Variants in CCDC148 observed in about 807,000 individuals in gnomAD.
CCDC148 encodes the protein coiled-coil domain-containing protein 148.
In CCDC148, 89 loss-of-function variants were observed where a neutral mutation model predicts 85.7. The observed-to-expected ratio is 1.04, with a 90% CI of 0.87 to 1.24. CCDC148 has a LOEUF of 1.24. Ranked by LOEUF, CCDC148 falls within the 50% of genes most tolerant of loss-of-function variation. The probability of loss-of-function intolerance (pLI) is 0.00; values close to 1 mark genes in which losing one functional copy is unlikely to be tolerated. For missense variants in CCDC148, 692 were observed against 671.7 expected, an observed-to-expected ratio of 1.03 and a Z score of -0.33; for synonymous variants, 230 against 213.9, an observed-to-expected ratio of 1.08 and a Z score of -0.66.
chr2:158,433,089 AAAAT>A (rs1687440345), intron 1 of CCDC148, among the ~76,000 whole-genome samples: 1 of 65,050 alleles, frequency 1.5e-5, no homozygotes, highest in Non-Finnish European at 3.3e-5. Context: ...AAAAAAAAAA[AAAAT>A]ATATATATAT....
In CCDC148 at chr2:158,401,262, G is replaced by T. The variant is rs911469892; in HGVS notation, c.26-42692C>A. Among the ~76,000 whole-genome samples, 5 of 152,096 alleles carry T rather than the reference G, an allele frequency of 3.3e-5. No homozygotes were observed. In the East Asian group the frequency reaches 9.6e-4, roughly 29 times the overall value. On this transcript the variant is annotated intron_variant, in intron 1 of 13. Transcript: ENST00000283233. ...AAGACACGTGCACACGTATGTTATT[G>T]CAGCACTATTCACAATAGCAAAGAC...
At chr2:158,373,503 C>A (rs1315843222) in intron 1 of CCDC148, among the ~76,000 whole-genome samples, 1 of 151,996 alleles carries the variant, frequency 6.6e-6, no homozygotes, top group African/African-American at 2.4e-5. Context: ...CCTCTCTGAC[C>A]AATACCTACT....
chr2:158,377,705 G>A (rs1328449772), intron 1 of CCDC148, among the ~76,000 whole-genome samples: 2 of 151,996 alleles, frequency 1.3e-5, no homozygotes, highest in Admixed American at 6.6e-5. Context: ...AGCAGTGCTT[G>A]CTTCATGTCT....
intron 10 of CCDC148, among the ~76,000 whole-genome samples, chr2:158,240,142 A>T (rs2105320102): frequency 7.1e-6 from 1 of 140,728 alleles, no homozygotes; most frequent in East Asian, 2.1e-4. Context: ...ATCTCGGTGG[A>T]TGGATGTTAG....
At chr2:158,327,573 T>C (rs908258154) in intron 7 of CCDC148, among the ~76,000 whole-genome samples, 3 of 152,166 alleles carry the variant, frequency 2.0e-5, no homozygotes, top group South Asian at 2.1e-4. Context: ...ATCACATCCA[T>C]TGACTGATCT....
chr2:158,264,669 C>G (rs1022226344), intron 9 of CCDC148, among the ~76,000 whole-genome samples: 3 of 151,938 alleles, frequency 2.0e-5, no homozygotes, highest in Non-Finnish European at 4.4e-5. Context: ...GGGCCTCACC[C>G]AGATTATCCC....
intron 9 of CCDC148, among the ~76,000 whole-genome samples, chr2:158,290,855 C>G (rs537718552): frequency 6.6e-6 from 1 of 152,166 alleles, no homozygotes; most frequent in African/African-American, 2.4e-5. Flanking sequence ...ATGAATCTAT[C>G]CATCCCATAA....
chr2:158,253,749 A>G (rs1236847786), intron 9 of CCDC148, among the ~76,000 whole-genome samples: 1 of 151,686 alleles, frequency 6.6e-6, no homozygotes, highest in Non-Finnish European at 1.5e-5. Flanking sequence ...AATGGATCCT[A>G]GTTAATGATC....
intron 11 of CCDC148, among the ~76,000 whole-genome samples, chr2:158,203,014 C>A (rs1184696549): frequency 2.0e-5 from 3 of 152,058 alleles, no homozygotes. Flanking sequence ...CTGAGACCTC[C>A]AAGATTAAAG....
chr2:158,252,998 G>A (rs1688857458), intron 9 of CCDC148, among the ~76,000 whole-genome samples: 1 of 151,854 alleles, frequency 6.6e-6, no homozygotes, highest in East Asian at 1.9e-4. Context: ...TTTGGTCTGT[G>A]GAACCACAAG....
At chr2:158,345,772 AT>A (rs1682965813) in intron 2 of CCDC148, among the ~76,000 whole-genome samples, 1 of 152,174 alleles carries the variant, frequency 6.6e-6, no homozygotes, top group Non-Finnish European at 1.5e-5. Flanking sequence ...AAGCTCATAA[AT>A]ATCAGAGTAA....
chr2:158,278,557 G>A (rs1690081791), intron 9 of CCDC148, among the ~76,000 whole-genome samples: 2 of 152,212 alleles, frequency 1.3e-5, no homozygotes, highest in African/African-American at 4.8e-5. Flanking sequence ...ACTGCAAGGT[G>A]GCAGCGAGGC....
intron 7 of CCDC148, among the ~76,000 whole-genome samples, chr2:158,336,720 G>A (rs982141796): frequency 1.3e-5 from 2 of 151,944 alleles, no homozygotes; most frequent in African/African-American, 4.8e-5. Flanking sequence ...AACATATCTT[G>A]CCTTCATTGT....
chr2:158,416,221 C>A (rs1444770375), intron 1 of CCDC148, among the ~76,000 whole-genome samples: 4 of 152,188 alleles, frequency 2.6e-5, no homozygotes, highest in Non-Finnish European at 5.9e-5. Flanking sequence ...CTGGGCCCAG[C>A]CCAGGAAACC....
intron 2 of CCDC148, among the ~76,000 whole-genome samples, chr2:158,353,443 C>G (rs986438199): frequency 1.3e-5 from 2 of 148,250 alleles, no homozygotes; most frequent in Non-Finnish European, 3.0e-5. Context: ...TCTGATAAAA[C>G]AGACTTTAAA....
chr2:158,333,890 T>C (rs1183758082), intron 7 of CCDC148, among the ~76,000 whole-genome samples: 1 of 152,132 alleles, frequency 6.6e-6, no homozygotes, highest in Non-Finnish European at 1.5e-5. Flanking sequence ...TCTCTTTCAA[T>C]ATTGATCTGC....
intron 1 of CCDC148, among the ~76,000 whole-genome samples, chr2:158,423,818 C>G (rs1019547659): frequency 3.3e-4 from 51 of 152,272 alleles, no homozygotes; most frequent in African/African-American, 1.2e-3. Flanking sequence ...ATCTACTCAT[C>G]TGACAAAGGG....
At chr2:158,285,415 T>C (rs1690573644) in intron 9 of CCDC148, among the ~76,000 whole-genome samples, 1 of 150,308 alleles carries the variant, frequency 6.7e-6, no homozygotes. Flanking sequence ...AAATAGGAAA[T>C]AGAAAAAGAA....
rs183841939 is a variant in CCDC148, at chr2:158,234,369, G to A, written c.1252-13656C>T. Among the ~76,000 whole-genome samples, 45 of 152,228 alleles carry A rather than the reference G, an allele frequency of 3.0e-4. No individual in the cohort carries two copies. In the South Asian group the frequency reaches 5.8e-3, roughly 20 times the overall value. On this transcript the variant is annotated intron_variant, in intron 10 of 13. Transcript: ENST00000283233. ...TCAGTCTGCAATTAAAACTGTTTGC[G>A]TTTCAGCTACTTATCAGTGCCTTAA...
Sources: gnomAD v4.1 joint callset for allele counts (sites outside exome capture counted in the v4.1 genomes callset) on GRCh38, gnomAD v4.1.1 for gene constraint, MANE v1.5 for transcripts, NCBI Gene and HGNC (gene_info 2026-07-23, HGNC 2026-07-21) for gene names.